ENTPD1: variants seen among roughly 807,000 people sequenced by gnomAD.
ENTPD1 encodes ectonucleoside triphosphate diphosphohydrolase 1, also known as ATP diphosphohydrolase.
ENTPD1 carries 33 observed loss-of-function variants against 57.0 expected under a neutral mutation model. The ratio of observed to expected loss-of-function variants is 0.58; its 90% CI spans 0.44 to 0.77. The LOEUF (loss-of-function observed/expected upper bound fraction) is 0.77, where lower values mean the gene tolerates loss of function less well. Among genes scored for constraint, ENTPD1 ranks in the 30% least tolerant of loss-of-function variants. The pLI, the probability that ENTPD1 is intolerant of heterozygous loss-of-function variation, is 0.00. For missense variants in ENTPD1, 501 were observed against 603.4 expected (o/e 0.83, Z 1.78); for synonymous variants, 202 against 218.8 (o/e 0.92, Z 0.68).
At chr10:95,830,662 G>A (rs919821715) in intron 2 of ENTPD1, among the ~76,000 whole-genome samples, 4 of 152,006 alleles carry the variant, frequency 2.6e-5, no homozygotes, top group African/African-American at 9.7e-5. Flanking sequence ...AATTAGCTGG[G>A]CATGTTGTCA....
chr10:95,718,125 A>G (rs1207894664), intron 1 of ENTPD1, among the ~76,000 whole-genome samples: 1 of 152,184 alleles, frequency 6.6e-6, no homozygotes. Flanking sequence ...AAGGGGAGCT[A>G]CTGGTAGTAC....
chr10:95,765,402 G>A (rs1283700968), intron 1 of ENTPD1, among the ~76,000 whole-genome samples: 2 of 152,104 alleles, frequency 1.3e-5, no homozygotes, highest in African/African-American at 4.8e-5. Flanking sequence ...ATGTTTTTGT[G>A]TGTGAATATC....
chr10:95,765,031 A>AT, intron 1 of ENTPD1, among the ~76,000 whole-genome samples: 1 of 151,976 alleles, frequency 6.6e-6, no homozygotes, highest in Non-Finnish European at 1.5e-5. Context: ...CTCTTTGCCC[A>AT]TTTTTTAAAT....
intron 6 of ENTPD1, among the ~76,000 whole-genome samples, chr10:95,847,000 T>A (rs1336848020): frequency 2.0e-5 from 3 of 147,060 alleles, no homozygotes; most frequent in Non-Finnish European, 3.0e-5. Context: ...AAAAAAAAAA[T>A]TATTTTTCTT....
the ENTPD1 span, among the ~76,000 whole-genome samples, chr10:95,695,514 A>G: frequency 7.9e-5 from 12 of 152,222 alleles, no homozygotes; most frequent in Admixed American, 5.2e-4. Context: ...CTCTTACAAG[A>G]TCTTTATTTT....
At chr10:95,813,859 G>C (rs1361091593) in intron 1 of ENTPD1, among the ~76,000 whole-genome samples, 1 of 152,100 alleles carries the variant, frequency 6.6e-6, no homozygotes, top group African/African-American at 2.4e-5. Context: ...AGACTATAAG[G>C]CTAGGCACCC....
At chr10:95,737,388 A>G (rs891304451) in intron 1 of ENTPD1, among the ~76,000 whole-genome samples, 1 of 151,522 alleles carries the variant, frequency 6.6e-6, no homozygotes, top group Non-Finnish European at 1.5e-5. Context: ...AAAAATTAAA[A>G]CTTTTTTTTT....
chr10:95,822,149 G>A lies in ENTPD1; in HGVS notation c.17-1088G>A, dbSNP rs552037620. Among the ~76,000 whole-genome samples the A allele has an allele frequency of 2.7e-3, 396 of 146,162 alleles. 2 individuals carry two copies. Among genetic ancestry groups the A allele is most frequent in the Non-Finnish European group, 4.1e-3 (272 of 66,356 alleles). On this transcript the variant is annotated intron_variant, in intron 1 of 9. Coordinates refer to ENST00000371205, the MANE Select transcript of ENTPD1 (RefSeq NM_001776.6). ...TGAGTAGCTGGGATGGCAGGTGCAC[G>A]CCACCATGCCCATCTAATTTTTGTA...
chr10:95,770,789 G>A (rs1420207215), intron 1 of ENTPD1, among the ~76,000 whole-genome samples: 12 of 152,088 alleles, frequency 7.9e-5, no homozygotes. Flanking sequence ...TTTCAAATGT[G>A]GTGTAGGTAT....
upstream of ENTPD1, among the ~76,000 whole-genome samples, chr10:95,708,188 T>C (rs977337192): frequency 6.8e-6 from 1 of 146,028 alleles, no homozygotes; most frequent in Admixed American, 7.1e-5. Context: ...ATTTAACTTC[T>C]TTTTTTTAAT....
the ENTPD1 span, among the ~76,000 whole-genome samples, chr10:95,699,399 C>G: frequency 6.6e-6 from 1 of 152,020 alleles, no homozygotes. Flanking sequence ...TGCCTAAGTT[C>G]AGGAGTTAAA....
intron 1 of ENTPD1, among the ~76,000 whole-genome samples, chr10:95,734,480 A>G (rs532443361): frequency 6.6e-6 from 1 of 152,314 alleles, no homozygotes; most frequent in Admixed American, 6.5e-5. Flanking sequence ...ATAATAAATC[A>G]TGATATGTTA....
intron 7 of ENTPD1, among the ~76,000 whole-genome samples, chr10:95,856,782 C>A (rs1175945718): frequency 6.7e-6 from 1 of 149,678 alleles, no homozygotes; most frequent in Non-Finnish European, 1.5e-5. Flanking sequence ...TAAAACAAAG[C>A]AGTATTATAA....
intron 1 of ENTPD1, among the ~76,000 whole-genome samples, chr10:95,760,861 G>A (rs1477658976): frequency 1.9e-5 from 2 of 106,388 alleles, no homozygotes; most frequent in African/African-American, 7.6e-5. Context: ...ACGGAGTCTC[G>A]CTTTGTCGCC....
chr10:95,799,155 C>G (rs2098238300), intron 1 of ENTPD1, among the ~76,000 whole-genome samples: 1 of 152,140 alleles, frequency 6.6e-6, no homozygotes, highest in Non-Finnish European at 1.5e-5. Flanking sequence ...ATTTTTTAAA[C>G]TTTTAAGCTC....
chr10:95,837,862 G>C (rs2098413781), intron 2 of ENTPD1, among the ~76,000 whole-genome samples: 1 of 151,778 alleles, frequency 6.6e-6, no homozygotes, highest in African/African-American at 2.4e-5. Context: ...CCCTACATTG[G>C]TGTCTCCATG....
In ENTPD1 at chr10:95,868,525, G is replaced by A. The variant is rs1159046230; in HGVS notation, c.*2142G>A. 2.0e-6 allele frequency: 2 copies of A among 985,222 alleles called. No individual in the cohort carries two copies. Among genetic ancestry groups the A allele is most frequent in the Non-Finnish European group, 2.4e-6 (2 of 829,926 alleles). The allele number at this position is 985,222 out of a possible 1,614,324, so 61.0% of individuals were successfully genotyped here. A position where few individuals can be genotyped will look rare whatever the true frequency, so the allele number is the denominator to read the frequency against. On this transcript the variant is annotated 3_prime_UTR_variant, in exon 10 of 10. Transcript: ENST00000371205. ...GTGGCCGATGATGATGAAAATAAAG[G>A]TCAAATAAGTTGAGCCAATAACAGC... is the stretch of plus-strand genomic sequence containing the variant.
At chr10:95,748,469 G>A (rs1349044535) in intron 1 of ENTPD1, among the ~76,000 whole-genome samples, 1 of 152,098 alleles carries the variant, frequency 6.6e-6, no homozygotes, top group Non-Finnish European at 1.5e-5. Context: ...ATACCATCCA[G>A]CTTCAGCAGT....
intron 1 of ENTPD1, among the ~76,000 whole-genome samples, chr10:95,759,973 C>G (rs1336757838): frequency 6.6e-6 from 1 of 152,144 alleles, no homozygotes; most frequent in African/African-American, 2.4e-5. Context: ...TACGTTCTAC[C>G]TCCTCAAGAG....
Sources: gnomAD v4.1 joint callset for allele counts (sites outside exome capture counted in the v4.1 genomes callset) on GRCh38, gnomAD v4.1.1 for gene constraint, MANE v1.5 for transcripts, NCBI Gene and HGNC (gene_info 2026-07-23, HGNC 2026-07-21) for gene names.